CFAP161: variants seen among roughly 807,000 people sequenced by gnomAD.
The protein encoded by CFAP161 is cilia- and flagella-associated protein 161.
A neutral mutation model predicts 29.0 loss-of-function variants in CFAP161; 25 were observed. That is an observed-to-expected ratio of 0.86 (90% CI 0.63 to 1.20). CFAP161 has a LOEUF of 1.20. Ranked by LOEUF, CFAP161 falls within the 50% of genes most tolerant of loss-of-function variation. CFAP161 has a pLI of 0.00. For synonymous variants in CFAP161, 116 were observed against 137.4 expected, an observed-to-expected ratio of 0.84 and a Z score of 1.09; for missense variants, 367 against 371.9, an observed-to-expected ratio of 0.99 and a Z score of 0.11.
At chr15:81,133,221 A>ATTTTT (rs1253988690), upstream of CFAP161, among the ~76,000 whole-genome samples, 1 of 32,490 alleles carries the variant, frequency 3.1e-5, no homozygotes, top group African/African-American at 1.0e-4. Flanking sequence ...ATATATATAT[A>ATTTTT]TATGTATTTT....
intron 4 of CFAP161, 145 bp downstream of exon 4, chr15:81,138,280 T>C: frequency 1.5e-6 from 1 of 658,730 alleles, no homozygotes; most frequent in Non-Finnish European, 2.6e-6. Flanking sequence ...TTGCAGCTTT[T>C]CACAGGCAGT....
chr15:81,145,644 C>A (rs1369599105), intron 5 of CFAP161, among the ~76,000 whole-genome samples: 1 of 152,156 alleles, frequency 6.6e-6, no homozygotes, highest in Non-Finnish European at 1.5e-5. Context: ...CTCACTGAGA[C>A]ATGGTTACAC....
chr15:81,138,055 C>G lies in CFAP161; in HGVS notation c.397C>G (p.His133Asp). 1 of 1,604,768 alleles carries G rather than the reference C, an allele frequency of 6.2e-7. No individual in the cohort carries two copies. The highest frequency in any genetic ancestry group is 8.5e-7 in the Non-Finnish European group (1 of 1,171,550). Reference sequence around the variant, plus strand: ...ATACTTATTGTCCACTGACAGTGTACACAGAGATGCCACTGGTCAAGTCCT... The same window carrying G: ...ATACTTATTGTCCACTGACAGTGTAGACAGAGATGCCACTGGTCAAGTCCT... ...GRNTFIILSV[H>D]RDATGQVLRY... The change falls in exon 4 of 7, where the codon CAC becomes GAC. Residue 133 changes from histidine to aspartate, a missense_variant. Transcript: ENST00000286732.
At chr15:81,114,630 C>G (rs556406771) in intron 1 of CFAP161, among the ~76,000 whole-genome samples, 14 of 152,250 alleles carry the variant, frequency 9.2e-5, no homozygotes, top group Non-Finnish European at 1.3e-4. Flanking sequence ...AAACTAAGTG[C>G]ATATTCATGG....
At chr15:81,111,907 G>A (rs71399444) in intron 1 of CFAP161, among the ~76,000 whole-genome samples, 1 of 152,206 alleles carries the variant, frequency 6.6e-6, no homozygotes, top group Non-Finnish European at 1.5e-5. Context: ...AATTAGCTTA[G>A]GAAGTGTTGT....
At chr15:81,107,314 C>T (rs1894384153) in intron 1 of CFAP161, among the ~76,000 whole-genome samples, 2 of 152,210 alleles carry the variant, frequency 1.3e-5, no homozygotes, top group African/African-American at 4.8e-5. Flanking sequence ...GGTTATTTCT[C>T]CATTTTACAG....
In CFAP161 at chr15:81,148,825, C is replaced by T. The variant is rs117649279; in HGVS notation, c.*292C>T. The T allele has an allele frequency of 9.4e-3, 2,337 of 248,460 alleles. 16 individuals are homozygous for T. Among genetic ancestry groups the T allele is most frequent in the Non-Finnish European group, 0.014 (1,784 of 129,488 alleles). 15.4% of individuals were successfully genotyped at this position (248,460 alleles called of 1,614,324 possible). On this transcript the variant is annotated 3_prime_UTR_variant, in exon 7 of 7. Coordinates refer to ENST00000286732, the MANE Select transcript of CFAP161 (RefSeq NM_173528.4). ...TTCCTCTACTTATATCCTTCATTGTCTACAAGGACAGTGCGTTACTTTTTA... is the reference window on the plus strand; with the variant it reads ...TTCCTCTACTTATATCCTTCATTGTTTACAAGGACAGTGCGTTACTTTTTA...
chr15:81,145,983 A>G (rs1894999287), intron 5 of CFAP161, among the ~76,000 whole-genome samples: 1 of 152,200 alleles, frequency 6.6e-6, no homozygotes, highest in Non-Finnish European at 1.5e-5. Context: ...GTGAGGACAA[A>G]GCTGTCATTA....
chr15:81,115,026 G>A (rs1894480270), intron 1 of CFAP161, among the ~76,000 whole-genome samples: 1 of 152,184 alleles, frequency 6.6e-6, no homozygotes, highest in African/African-American at 2.4e-5. Flanking sequence ...CGATAACAAG[G>A]GTGATGCCAA....
At chr15:81,138,344 C>T (rs1482866988) in intron 4 of CFAP161, among the ~76,000 whole-genome samples, 1 of 152,218 alleles carries the variant, frequency 6.6e-6, no homozygotes, top group East Asian at 1.9e-4. Flanking sequence ...AAACTACACC[C>T]TTAAAACCTA....
chr15:81,134,766 G>T (rs1894779156), intron 1 of CFAP161, among the ~76,000 whole-genome samples: 1 of 152,128 alleles, frequency 6.6e-6, no homozygotes, highest in South Asian at 2.1e-4. Flanking sequence ...GAGGACACAG[G>T]TTCTAGGTAG....
At chr15:81,108,148 C>G (rs1221663687) in intron 1 of CFAP161, among the ~76,000 whole-genome samples, 1 of 152,158 alleles carries the variant, frequency 6.6e-6, no homozygotes, top group Non-Finnish European at 1.5e-5. Context: ...GAAATGGTCT[C>G]TTTCTTAACT....
Position 81,134,393 on chromosome 15 carries a change from G to T in CFAP161, c.64G>T (p.Glu22Ter). 1 of 1,583,222 alleles carries T rather than the reference G, an allele frequency of 6.3e-7. No individual in the cohort carries two copies. Among genetic ancestry groups the T allele is most frequent in the East Asian group, 2.3e-5 (1 of 43,896 alleles). The change falls in exon 1 of 7, where the codon GAG becomes TAG. Residue 22 changes from glutamate (E) to a stop codon, truncating the protein, a stop_gained. Coordinates refer to ENST00000286732, the MANE Select transcript of CFAP161 (RefSeq NM_173528.4). LOFTEE classifies it high-confidence loss of function. ...IGNWNEDVYLEEELMKDFLEK... is the reference protein window; with the variant it reads ...IGNWNEDVYL ...CAACTGGAATGAGGATGTCTACCTG[G>T]AGGAGGTACGCAGGGTGTGGCCAGG... is the stretch of plus-strand genomic sequence containing the variant.
At chr15:81,131,276 C>A (rs2141874605), upstream of CFAP161, among the ~76,000 whole-genome samples, 1 of 151,916 alleles carries the variant, frequency 6.6e-6, no homozygotes, top group East Asian at 1.9e-4. Context: ...AAACTGTGAT[C>A]CACAGACAGA....
At chr15:81,114,250 T>TA (rs1894470313) in intron 1 of CFAP161, among the ~76,000 whole-genome samples, 1 of 152,226 alleles carries the variant, frequency 6.6e-6, no homozygotes. Flanking sequence ...CCAGTGCATA[T>TA]AAACATTTAT....
intron 1 of CFAP161, among the ~76,000 whole-genome samples, chr15:81,103,141 C>T (rs1417792190): frequency 3.9e-5 from 6 of 152,134 alleles, no homozygotes; most frequent in Admixed American, 1.3e-4. Context: ...GCACTGCTCA[C>T]GTCAAATTTA....
In CFAP161 at chr15:81,136,481, A is replaced by C. The variant is rs539826859; in HGVS notation, c.160-35A>C. ...TTGGCAGTAACTGTTGAGGAATTGC[A>C]TGGTTTATGTAATAAACTACTATCA... On this transcript the variant is annotated intron_variant, in intron 2 of 6. Transcript: ENST00000286732. 65 of 1,582,176 alleles carry C rather than the reference A, an allele frequency of 4.1e-5. 2 individuals are homozygous for C. In the South Asian group the frequency reaches 6.5e-4, roughly 16 times the overall value.
At chr15:81,140,438 T>G (rs929260500) in intron 4 of CFAP161, among the ~76,000 whole-genome samples, 2 of 152,218 alleles carry the variant, frequency 1.3e-5, no homozygotes, top group Admixed American at 6.5e-5. Flanking sequence ...CCTTGAATGA[T>G]TATTCCTTTC....
Position 81,146,962 on chromosome 15 carries a change from T to C in CFAP161, c.637-896T>C, listed in dbSNP as rs1045239815. ...GAAGATCTTTACCTTAAAACAGTTA[T>C]GTGGAATGTTACCCTGACAATGTAA... On this transcript the variant is annotated intron_variant, in intron 5 of 6. Transcript: ENST00000286732. Among the ~76,000 whole-genome samples, 3 of 148,650 alleles carry C rather than the reference T, an allele frequency of 2.0e-5. No homozygotes were observed. The East Asian group carries it at 5.9e-4, about 29-fold the overall frequency.
Sources: gnomAD v4.1 joint callset for allele counts (sites outside exome capture counted in the v4.1 genomes callset) on GRCh38, gnomAD v4.1.1 for gene constraint, MANE v1.5 for transcripts, NCBI Gene and HGNC (gene_info 2026-07-23, HGNC 2026-07-21) for gene names.